SOX6: variants seen among roughly 807,000 people sequenced by gnomAD.
The protein encoded by SOX6 is SRY-box transcription factor 6, also known as transcription factor SOX-6.
SOX6 carries 11 observed loss-of-function variants against 97.8 expected under a neutral mutation model. That is an observed-to-expected ratio of 0.11 (90% CI 0.07 to 0.19). The LOEUF (loss-of-function observed/expected upper bound fraction) is 0.19. Ranked by LOEUF, SOX6 falls within the 10% of genes least tolerant of loss-of-function variation. The pLI is 1.00. For missense variants in SOX6, 810 were observed against 1,039.5 expected, an observed-to-expected ratio of 0.78 and a Z score of 3.04; for synonymous variants, 360 against 371.4, an observed-to-expected ratio of 0.97 and a Z score of 0.35.
At chr11:16,637,352 C>T (rs1848806068) in intron 3 of SOX6, among the ~76,000 whole-genome samples, 1 of 152,132 alleles carries the variant, frequency 6.6e-6, no homozygotes, top group Non-Finnish European at 1.5e-5. Context: ...TCCTGAGTAC[C>T]TGGGACTACA....
rs771737253 is a variant in SOX6 at position 16,046,578 on chromosome 11, T to C, written c.1559A>G (p.His520Arg). ...GGAGGACAGTTTCCCGTCAACACCA[T>C]GTGGCTGTTGCTGCTGTTGCTCCCG... ...IQREQQQQQP[H>R]GVDGKLSSIN... Residue 520 changes from histidine to arginine, a missense_variant, in exon 12 of 16, where the codon CAT becomes CGT. His to Arg is a conservative substitution (Grantham distance 29). Around this residue, in one of 9 missense-constraint regions of SOX6, gnomAD observed 120 missense variants for 127.0 expected, o/e 0.94. Coordinates refer to ENST00000683767, the MANE Select transcript of SOX6 (RefSeq NM_001367873.1). 31 of 1,613,790 alleles carry C rather than the reference T, an allele frequency of 1.9e-5. No homozygotes were observed. Among genetic ancestry groups the C allele is most frequent in the South Asian group, 1.2e-4 (11 of 91,084 alleles).
chr11:16,306,787 G>A (rs1300436352), intron 3 of SOX6, among the ~76,000 whole-genome samples: 1 of 151,584 alleles, frequency 6.6e-6, no homozygotes, highest in African/African-American at 2.4e-5. Flanking sequence ...CACCATGCCC[G>A]GCTAATTTTT....
rs184630900 is a variant in SOX6 at position 16,430,038 on chromosome 11, C to T, written c.-5+46277G>A. On this transcript the variant is annotated intron_variant, in intron 1 of 15. Transcript: ENST00000396356. ...AGACTATTGTGAGAAATAAATAAAA[C>T]ACATGATATAATTAGCACATAAATG... Among the ~76,000 whole-genome samples, 10 of 152,252 alleles carry T rather than the reference C, an allele frequency of 6.6e-5. No individual in the cohort carries two copies. The East Asian group carries it at 1.7e-3, about 26-fold the overall frequency.
At chr11:16,200,854 C>T (rs1851916308) in intron 4 of SOX6, among the ~76,000 whole-genome samples, 1 of 152,064 alleles carries the variant, frequency 6.6e-6, no homozygotes, top group Non-Finnish European at 1.5e-5. Context: ...GCCTGTAATC[C>T]CAGCACTTTG....
chr11:16,669,368 C>T (rs1847830869), intron 3 of SOX6, among the ~76,000 whole-genome samples: 2 of 152,234 alleles, frequency 1.3e-5, no homozygotes, highest in Admixed American at 1.3e-4. Flanking sequence ...CCTAGAGCAA[C>T]ATGGAGCCAA....
intron 3 of SOX6, among the ~76,000 whole-genome samples, chr11:16,268,774 T>C (rs1229598262): frequency 2.6e-5 from 4 of 151,150 alleles, no homozygotes; most frequent in Non-Finnish European, 4.5e-5. Flanking sequence ...GATTTTTTTG[T>C]CCTTATTTCC....
In SOX6 at chr11:16,607,718, G is replaced by C. The variant is rs542050863; in HGVS notation, n.609+4363C>G. The C allele has an allele frequency of 6.6e-6, 1 of 152,648 alleles. No individual in the cohort carries two copies. Among genetic ancestry groups the C allele is most frequent in the South Asian group, 2.1e-4 (1 of 4,844 alleles). The allele number at this position is 152,648 out of a possible 1,614,324, so 9.5% of individuals were successfully genotyped here. A position where few individuals can be genotyped will look rare whatever the true frequency, so the allele number is the denominator to read the frequency against. On this transcript the variant is annotated intron_variant and non_coding_transcript_variant, in intron 4 of 5. Coordinates refer to the SOX6 transcript ENST00000524520. The surrounding 1 kb of genome is among the most constrained non-coding windows in gnomAD (Gnocchi z 6.5). ...GGCAATCAGTGTGAGCGGCCATGTC[G>C]TAAGTATTCAAAGCATTTCCCGTCG...
chr11:16,319,597 G>GT (rs960325799), intron 2 of SOX6, among the ~76,000 whole-genome samples: 4 of 150,852 alleles, frequency 2.7e-5, no homozygotes, highest in Admixed American at 6.7e-5. Flanking sequence ...GCGGCGTTTG[G>GT]TTTTTTGTCC....
intron 1 of SOX6, among the ~76,000 whole-genome samples, chr11:16,436,347 G>T (rs1859376275): frequency 1.3e-5 from 2 of 151,584 alleles, no homozygotes; most frequent in South Asian, 4.2e-4. Flanking sequence ...CATTCCCCCA[G>T]GATTTCAATC....
chr11:16,362,975 T>C (rs1334886045), intron 1 of SOX6, among the ~76,000 whole-genome samples: 2 of 152,174 alleles, frequency 1.3e-5, no homozygotes, highest in Non-Finnish European at 2.9e-5. Context: ...AAACACACGG[T>C]TCCAGATATG....
At chr11:16,497,761 T>C (rs1235064092) in intron 4 of SOX6, among the ~76,000 whole-genome samples, 2 of 152,004 alleles carry the variant, frequency 1.3e-5, no homozygotes, top group African/African-American at 4.8e-5. Flanking sequence ...AAGAGAAGTT[T>C]AGAGAAAAAA....
chr11:16,600,933 A>G (rs991057308), intron 4 of SOX6, among the ~76,000 whole-genome samples: 6 of 152,306 alleles, frequency 3.9e-5, no homozygotes, highest in Admixed American at 1.3e-4. Flanking sequence ...TTCCTACACT[A>G]TATAGGAGCA....
intron 4 of SOX6, among the ~76,000 whole-genome samples, chr11:16,197,141 G>T (rs1327992148): frequency 6.6e-6 from 1 of 151,864 alleles, no homozygotes; most frequent in Non-Finnish European, 1.5e-5. Flanking sequence ...ACATCCTCTG[G>T]CTTTTTAGTG....
upstream of SOX6, among the ~76,000 whole-genome samples, chr11:16,358,480 A>G (rs929306307): frequency 6.6e-6 from 1 of 152,188 alleles, no homozygotes; most frequent in African/African-American, 2.4e-5. Context: ...AACATCTAGC[A>G]GCTGAACAGA....
rs900373414 is a variant in SOX6 at position 16,685,602 on chromosome 11, AC to A, written n.429+29227del. ...GGCTCCCAAGGCCTTGGACAGCTCC[AC>A]CCCTGTGGCTTTGCAGGATGCAGCC... On this transcript the variant is annotated intron_variant and non_coding_transcript_variant, in intron 3 of 5. Coordinates refer to the SOX6 transcript ENST00000524520. 5.3e-5 allele frequency among the ~76,000 whole-genome samples: 8 copies of A among 152,156 alleles called. 1 individual carries two copies. Among genetic ancestry groups the A allele is most frequent in the Admixed American group, 5.2e-4 (8 of 15,272 alleles).
At chr11:15,983,567 C>T (rs1053478941) in intron 15 of SOX6, among the ~76,000 whole-genome samples, 1 of 151,920 alleles carries the variant, frequency 6.6e-6, no homozygotes, top group African/African-American at 2.4e-5. Context: ...TTGTAATAAC[C>T]TCATATGTAA....
intron 1 of SOX6, among the ~76,000 whole-genome samples, chr11:16,451,686 A>C (rs998602832): frequency 1.3e-5 from 2 of 152,140 alleles, no homozygotes; most frequent in Non-Finnish European, 1.5e-5. Context: ...CACCTGCTGA[A>C]GCAGTCCATC....
chr11:16,172,804 C>A (rs1340820095), intron 6 of SOX6, among the ~76,000 whole-genome samples: 1 of 151,896 alleles, frequency 6.6e-6, no homozygotes, highest in East Asian at 1.9e-4. Flanking sequence ...TAGTTGCTAG[C>A]AGAACAAAGA....
At chr11:16,454,213 C>A (rs898357336) in intron 1 of SOX6, among the ~76,000 whole-genome samples, 2 of 152,020 alleles carry the variant, frequency 1.3e-5, no homozygotes, top group African/African-American at 4.8e-5. Context: ...AAGGTAATGA[C>A]CCCTGTAGCA....
Sources: gnomAD v4.1 joint callset for allele counts (sites outside exome capture counted in the v4.1 genomes callset) on GRCh38, gnomAD v4.1.1 for gene constraint, gnomAD v4.1.1 regional missense constraint, Gnocchi (gnomAD v3.1) non-coding constraint, MANE v1.5 for transcripts, NCBI Gene and HGNC (gene_info 2026-07-23, HGNC 2026-07-21) for gene names.